SNAP25: variants seen among roughly 807,000 people sequenced by gnomAD.
SNAP25 encodes synaptosome associated protein 25.
A neutral mutation model predicts 28.7 loss-of-function variants in SNAP25; 3 were observed. The ratio of observed to expected loss-of-function variants is 0.10; its 90% CI spans 0.05 to 0.27. SNAP25 has a LOEUF of 0.27. Among genes scored for constraint, SNAP25 ranks in the 10% least tolerant of loss-of-function variants. The pLI is 1.00. For missense variants in SNAP25, 117 were observed against 278.7 expected (o/e 0.42, Z 4.13); for synonymous variants, 61 against 88.1 (o/e 0.69, Z 1.72).
intron 2 of SNAP25, among the ~76,000 whole-genome samples, chr20:10,276,296 A>G (rs1364620093): frequency 1.3e-5 from 2 of 152,218 alleles, no homozygotes; most frequent in Non-Finnish European, 2.9e-5. Flanking sequence ...AAAATATTTA[A>G]AAATTTAAAA....
chr20:10,240,935 A>C lies in SNAP25; in HGVS notation c.-64+21958A>C, dbSNP rs1383092202. 2.0e-5 allele frequency among the ~76,000 whole-genome samples: 3 copies of C among 152,158 alleles called. No homozygotes were observed. In the East Asian group the frequency reaches 5.8e-4, roughly 29 times the overall value. On this transcript the variant is annotated intron_variant, in intron 1 of 7. Transcript: ENST00000254976. ...GCTTCAATTGCTCCGTGGAGCCAGCAATCACAGCAGGCTTTGGGGGTCCCT... is the reference window on the plus strand; with the variant it reads ...GCTTCAATTGCTCCGTGGAGCCAGCCATCACAGCAGGCTTTGGGGGTCCCT...
intron 3 of SNAP25, among the ~76,000 whole-genome samples, chr20:10,282,482 C>T (rs1300352254): frequency 6.6e-6 from 1 of 152,204 alleles, no homozygotes; most frequent in Non-Finnish European, 1.5e-5. Flanking sequence ...CTTGCTCCCT[C>T]AAATTAGTTG....
At chr20:10,262,989 C>T (rs1020180552) in intron 1 of SNAP25, among the ~76,000 whole-genome samples, 1 of 140,206 alleles carries the variant, frequency 7.1e-6, no homozygotes, top group African/African-American at 2.6e-5. Flanking sequence ...GTGGATCAGG[C>T]GAAGCAACCC....
chr20:10,226,757 C>T (rs1421666488), intron 1 of SNAP25, among the ~76,000 whole-genome samples: 2 of 152,124 alleles, frequency 1.3e-5, no homozygotes, highest in South Asian at 4.1e-4. Context: ...CCTCAGCCAT[C>T]ACCGAACTCA....
chr20:10,228,921 A>G (rs1167006568), intron 1 of SNAP25, among the ~76,000 whole-genome samples: 1 of 152,184 alleles, frequency 6.6e-6, no homozygotes, highest in African/African-American at 2.4e-5. Flanking sequence ...ATCAGCATGC[A>G]TAATAAAATG....
intron 4 of SNAP25, among the ~76,000 whole-genome samples, chr20:10,292,170 G>C (rs1028142097): frequency 1.3e-5 from 2 of 152,172 alleles, no homozygotes; most frequent in Admixed American, 1.3e-4. Flanking sequence ...TTGGAAATCA[G>C]GGGGCAGAGA....
intron 1 of SNAP25, among the ~76,000 whole-genome samples, chr20:10,259,427 G>A (rs775203226): frequency 6.6e-6 from 1 of 152,158 alleles, no homozygotes; most frequent in Non-Finnish European, 1.5e-5. Context: ...AAGGATGGGA[G>A]GATAGAAAGA....
At chr20:10,225,722 T>C (rs1236481488) in intron 1 of SNAP25, among the ~76,000 whole-genome samples, 2 of 152,122 alleles carry the variant, frequency 1.3e-5, no homozygotes, top group Non-Finnish European at 2.9e-5. Context: ...AAAAAGGTTA[T>C]TTTCCTCCAA....
At chr20:10,227,972 T>C (rs2062762495) in intron 1 of SNAP25, among the ~76,000 whole-genome samples, 1 of 152,114 alleles carries the variant, frequency 6.6e-6, no homozygotes. Flanking sequence ...AAAAGTGTCC[T>C]TCAGAGACAC....
At chr20:10,269,873 A>C (rs1345433874) in intron 1 of SNAP25, among the ~76,000 whole-genome samples, 1 of 152,242 alleles carries the variant, frequency 6.6e-6, no homozygotes, top group Admixed American at 6.5e-5. Flanking sequence ...AGGCCAATAC[A>C]AGAACAGCTG....
intron 1 of SNAP25, among the ~76,000 whole-genome samples, chr20:10,240,993 G>A (rs1177707308): frequency 6.6e-6 from 1 of 152,204 alleles, no homozygotes; most frequent in Non-Finnish European, 1.5e-5. Context: ...CTGTGAAGCA[G>A]CTGCCAGGGT....
At chr20:10,253,611 C>T (rs1600691141) in intron 1 of SNAP25, among the ~76,000 whole-genome samples, 2 of 152,104 alleles carry the variant, frequency 1.3e-5, no homozygotes, top group Non-Finnish European at 1.5e-5. Flanking sequence ...AATGAGTGGT[C>T]GGGCAGCCAA....
At chr20:10,239,537 G>C (rs564472926) in intron 1 of SNAP25, among the ~76,000 whole-genome samples, 10 of 152,324 alleles carry the variant, frequency 6.6e-5, no homozygotes, top group Non-Finnish European at 1.3e-4. Flanking sequence ...ACAAGCAGGG[G>C]AGAATTATTT....
chr20:10,296,724 T>C, intron 5 of SNAP25: 1 of 630,254 alleles, frequency 1.6e-6, no homozygotes, highest in South Asian at 2.2e-5. Context: ...TGCAATGGAT[T>C]CGATTGGAAG....
chr20:10,269,312 G>T (rs1013390605), intron 1 of SNAP25, among the ~76,000 whole-genome samples: 5 of 152,152 alleles, frequency 3.3e-5, no homozygotes, highest in Non-Finnish European at 5.9e-5. Flanking sequence ...GGAGGCTGAG[G>T]TTGCACTTGA....
chr20:10,241,344 C>A (rs887312898), intron 1 of SNAP25, among the ~76,000 whole-genome samples: 1 of 152,214 alleles, frequency 6.6e-6, no homozygotes, highest in Middle Eastern at 3.4e-3. Context: ...ACAGTTGCAG[C>A]CCCCGGGTCC....
chr20:10,258,700 T>C (rs1289364466), intron 1 of SNAP25, among the ~76,000 whole-genome samples: 1 of 152,210 alleles, frequency 6.6e-6, no homozygotes, highest in Admixed American at 6.5e-5. Context: ...ACAGTCACAG[T>C]AGTTACTTAC....
chr20:10,234,254 A>G (rs964224846), intron 1 of SNAP25, among the ~76,000 whole-genome samples: 1 of 152,122 alleles, frequency 6.6e-6, no homozygotes, highest in Non-Finnish European at 1.5e-5. Flanking sequence ...CATTTTGCAG[A>G]TATGAAAACT....
At position 10,285,007 on chromosome 20, in the gene SNAP25, A is replaced by G. The variant is rs112798307; in HGVS notation, c.163+235A>G. 1.8e-3 allele frequency among the ~76,000 whole-genome samples: 269 copies of G among 152,182 alleles called. 1 individual carries two copies. The highest frequency in any genetic ancestry group is 3.4e-3 in the Middle Eastern group (1 of 294). ...TCAATGATACCACTATCTCTGTTAT[A>G]TATGTTGGGGTAACTGAATTTTGAA... is the stretch of plus-strand genomic sequence containing the variant. On this transcript the variant is annotated intron_variant, in intron 4 of 7. Transcript: ENST00000254976.
Sources: gnomAD v4.1 joint callset for allele counts (sites outside exome capture counted in the v4.1 genomes callset) on GRCh38, gnomAD v4.1.1 for gene constraint, MANE v1.5 for transcripts, NCBI Gene and HGNC (gene_info 2026-07-23, HGNC 2026-07-21) for gene names.